Variants in STPG2 observed in about 807,000 individuals in gnomAD.
The protein encoded by STPG2 is sperm-tail PG-rich repeat-containing protein 2.
STPG2 carries 56 observed loss-of-function variants against 54.2 expected under a neutral mutation model. The observed-to-expected ratio is 1.03, with a 90% CI of 0.83 to 1.29. STPG2 has a LOEUF of 1.29. Among genes scored for constraint, STPG2 ranks in the 50% most tolerant of loss-of-function variants. The pLI, the probability that STPG2 is intolerant of heterozygous loss-of-function variation, is 0.00. For missense variants in STPG2, 596 were observed against 544.9 expected (o/e 1.09, Z -0.93); for synonymous variants, 200 against 181.8 (o/e 1.10, Z -0.81).
chr4:97,823,296 C>A (rs1728142522), intron 9 of STPG2, among the ~76,000 whole-genome samples: 1 of 152,202 alleles, frequency 6.6e-6, no homozygotes, highest in Admixed American at 6.5e-5. Flanking sequence ...CATGCAGCAG[C>A]TGGTGACTTT....
intron 9 of STPG2, among the ~76,000 whole-genome samples, chr4:97,767,629 T>G (rs1726093952): frequency 6.6e-6 from 1 of 152,162 alleles, no homozygotes; most frequent in African/African-American, 2.4e-5. Flanking sequence ...GGAAGCAATT[T>G]TTAATAAAAA....
chr4:97,983,647 C>G (rs1182280696), intron 5 of STPG2, among the ~76,000 whole-genome samples: 4 of 152,150 alleles, frequency 2.6e-5, no homozygotes, highest in Admixed American at 6.5e-5. Flanking sequence ...CCTCTTCCAC[C>G]TACCCTGGAA....
intron 10 of STPG2, among the ~76,000 whole-genome samples, chr4:97,653,438 C>T (rs1263804293): frequency 1.3e-5 from 2 of 149,792 alleles, no homozygotes; most frequent in African/African-American, 4.9e-5. Flanking sequence ...ACCAAAATTC[C>T]ACATGGAAAG....
At chr4:97,443,910 A>C (rs1729153483) in intron 4 of STPG2, among the ~76,000 whole-genome samples, 2 of 152,208 alleles carry the variant, frequency 1.3e-5, no homozygotes, top group South Asian at 4.1e-4. Context: ...CAGATTTTAA[A>C]ATAATAAAGA....
At chr4:97,899,772 A>C (rs1342589713) in intron 8 of STPG2, among the ~76,000 whole-genome samples, 1 of 152,070 alleles carries the variant, frequency 6.6e-6, no homozygotes, top group Non-Finnish European at 1.5e-5. Context: ...AGCTACATGC[A>C]GAATATTGAA....
chr4:97,712,677 T>G, intron 10 of STPG2, 22 bp downstream of exon 10: 1 of 1,507,778 alleles, frequency 6.6e-7, no homozygotes. Flanking sequence ...GTGTCACTGT[T>G]AAGAAGGAAA....
chr4:97,566,309 GAGTGAC>G (rs935175060), intron 10 of STPG2, among the ~76,000 whole-genome samples: 1 of 152,148 alleles, frequency 6.6e-6, no homozygotes, highest in Non-Finnish European at 1.5e-5. Context: ...ATTGGGGTGG[GAGTGAC>G]CTGATTTTCC....
intron 2 of STPG2, among the ~76,000 whole-genome samples, chr4:98,131,047 A>T (rs1463061505): frequency 1.3e-5 from 2 of 151,860 alleles, no homozygotes; most frequent in East Asian, 3.9e-4. Context: ...TCTTTCCTGG[A>T]ATATATCACA....
chr4:98,132,458 T>C (rs1308459224), intron 2 of STPG2, among the ~76,000 whole-genome samples: 1 of 152,040 alleles, frequency 6.6e-6, no homozygotes, highest in East Asian at 1.9e-4. Flanking sequence ...CTGAAGATGC[T>C]CTCTGGTCTC....
intron 10 of STPG2, among the ~76,000 whole-genome samples, chr4:97,581,070 A>G (rs1308823112): frequency 6.6e-6 from 1 of 152,100 alleles, no homozygotes; most frequent in Non-Finnish European, 1.5e-5. Context: ...TTTACACTCT[A>G]GAGCTGTGGT....
chr4:97,625,808 C>T (rs2148928329), intron 10 of STPG2, among the ~76,000 whole-genome samples: 1 of 152,306 alleles, frequency 6.6e-6, no homozygotes. Context: ...GTGATAACCA[C>T]TGTGATTCCA....
At chr4:97,820,746 G>C (rs1440382634) in intron 9 of STPG2, among the ~76,000 whole-genome samples, 13 of 152,144 alleles carry the variant, frequency 8.5e-5, no homozygotes, top group Non-Finnish European at 1.5e-4. Context: ...GTAAGCAAGA[G>C]CAGGCATATC....
At chr4:97,795,999 C>T (rs1176344512) in intron 9 of STPG2, among the ~76,000 whole-genome samples, 3 of 152,168 alleles carry the variant, frequency 2.0e-5, no homozygotes, top group Non-Finnish European at 2.9e-5. Flanking sequence ...AAATGTCTTC[C>T]TTTGAGTAGT....
At chr4:97,742,297 T>G (rs946927819) in intron 9 of STPG2, among the ~76,000 whole-genome samples, 1 of 151,644 alleles carries the variant, frequency 6.6e-6, no homozygotes, top group African/African-American at 2.4e-5. Flanking sequence ...CACACCAGCA[T>G]GGCACATGTA....
intron 4 of STPG2, among the ~76,000 whole-genome samples, chr4:97,458,320 A>C (rs1578314982): frequency 6.6e-6 from 1 of 152,334 alleles, no homozygotes; most frequent in South Asian, 2.1e-4. Context: ...TATGAACTGA[A>C]GAACAATTCA....
intron 3 of STPG2, 88 bp downstream of exon 3, chr4:98,128,340 C>A: frequency 8.2e-7 from 1 of 1,212,798 alleles, no homozygotes; most frequent in Non-Finnish European, 1.1e-6. Context: ...TCATTTTTTT[C>A]TTGGAGAAAT....
intron 10 of STPG2, among the ~76,000 whole-genome samples, chr4:97,581,100 A>G (rs1386261585): frequency 6.6e-6 from 1 of 152,128 alleles, no homozygotes; most frequent in Non-Finnish European, 1.5e-5. Flanking sequence ...AGTAGCCACT[A>G]GCCATTTGTG....
intron 10 of STPG2, among the ~76,000 whole-genome samples, chr4:97,666,253 TGCTACTCCTCCCACA>T (rs1722521858): frequency 1.3e-5 from 2 of 152,144 alleles, no homozygotes; most frequent in African/African-American, 4.8e-5. Flanking sequence ...ATGCAGCCCC[TGCTACTCCTCCCACA>T]CTACAGCCAG....
At chr4:98,046,626 C>A (rs1737137899) in intron 5 of STPG2, among the ~76,000 whole-genome samples, 1 of 152,172 alleles carries the variant, frequency 6.6e-6, no homozygotes, top group Non-Finnish European at 1.5e-5. Context: ...TTAAGTCCTT[C>A]AAGATGCGGC....
Sources: gnomAD v4.1 joint callset for allele counts (sites outside exome capture counted in the v4.1 genomes callset) on GRCh38, gnomAD v4.1.1 for gene constraint, MANE v1.5 for transcripts, NCBI Gene and HGNC (gene_info 2026-07-23, HGNC 2026-07-21) for gene names.